Variants in NAV2 observed in about 807,000 individuals in gnomAD.
NAV2 encodes helicase, APC down-regulated 1.
NAV2 carries 54 observed loss-of-function variants against 223.2 expected under a neutral mutation model. The observed-to-expected ratio is 0.24, with a 90% confidence interval of 0.19 to 0.30. The LOEUF (loss-of-function observed/expected upper bound fraction) is 0.30. Among genes scored for constraint, NAV2 ranks in the 10% least tolerant of loss-of-function variants. The pLI is 1.00. For missense variants in NAV2, 2,806 were observed against 3,147.5 expected, an observed-to-expected ratio of 0.89 and a Z score of 2.60; for synonymous variants, 1,279 against 1,239.3, an observed-to-expected ratio of 1.03 and a Z score of -0.67.
rs10590815 is a variant in NAV2 at position 20,107,057 on chromosome 11, A to ATTTTTTTTT, written c.6842-577_6842-569dup. Among the ~76,000 whole-genome samples the ATTTTTTTTT allele has an allele frequency of 2.9e-4, 8 of 27,254 alleles. 2 individuals are homozygous for ATTTTTTTTT. Among genetic ancestry groups the ATTTTTTTTT allele is most frequent in the African/African-American group, 1.1e-3 (8 of 7,388 alleles). The allele number at this position is 27,254 out of a possible 152,430, so 17.9% of individuals were successfully genotyped here. ...TTTGGACTTGCAGTCATGGGCTTCC[A>ATTTTTTTTT]TTTTTTTTTTTTTTTTTTTTTTTTT... is the stretch of plus-strand genomic sequence containing the variant. On this transcript the variant is annotated intron_variant, in intron 35 of 37. Transcript: ENST00000349880.
chr11:19,939,088 G>A (rs2046181220), intron 7 of NAV2, among the ~76,000 whole-genome samples: 1 of 152,204 alleles, frequency 6.6e-6, no homozygotes, highest in African/African-American at 2.4e-5. Flanking sequence ...ACAGATTTCA[G>A]TCAAGTGTTG....
At chr11:20,071,119 C>A (rs939626019) in intron 22 of NAV2, among the ~76,000 whole-genome samples, 30 of 148,010 alleles carry the variant, frequency 2.0e-4, no homozygotes, top group African/African-American at 7.5e-4. Flanking sequence ...CCCCACCCCC[C>A]GACAGGCCCT....
intron 1 of NAV2, among the ~76,000 whole-genome samples, chr11:19,662,690 C>T (rs2048318396): frequency 6.6e-6 from 1 of 152,376 alleles, no homozygotes; most frequent in Admixed American, 6.5e-5. Context: ...TAAGATGAAG[C>T]TCTGCCCACT....
At chr11:19,870,113 G>A (rs114814974) in intron 4 of NAV2, among the ~76,000 whole-genome samples, 6 of 152,138 alleles carry the variant, frequency 3.9e-5, no homozygotes, top group African/African-American at 1.4e-4. Flanking sequence ...GTCAGGCACG[G>A]CCACACTGCT....
At chr11:19,635,291 T>A (rs1244629220) in intron 1 of NAV2, among the ~76,000 whole-genome samples, 2 of 152,210 alleles carry the variant, frequency 1.3e-5, no homozygotes, top group African/African-American at 4.8e-5. Context: ...AGAATTTTTT[T>A]AACACAGCAA....
intron 5 of NAV2, among the ~76,000 whole-genome samples, chr11:19,881,175 G>A (rs1173589416): frequency 6.6e-6 from 1 of 152,150 alleles, no homozygotes; most frequent in Non-Finnish European, 1.5e-5. Context: ...TTTTCCCCAT[G>A]AGAAGTGCTA....
At chr11:19,785,102 G>A (rs1738978511) in intron 1 of NAV2, among the ~76,000 whole-genome samples, 1 of 152,192 alleles carries the variant, frequency 6.6e-6, no homozygotes, top group African/African-American at 2.4e-5. Flanking sequence ...TTACCGATCG[G>A]GTAGGTGACT....
At chr11:19,777,770 C>A (rs935900160) in intron 1 of NAV2, 20 of 437,418 alleles carry the variant, frequency 4.6e-5, no homozygotes, top group Non-Finnish European at 8.3e-5. Flanking sequence ...TGCATTATCT[C>A]TCCGTCCCTT....
chr11:19,456,316 G>A (rs1253476094), intron 1 of NAV2, among the ~76,000 whole-genome samples: 1 of 152,226 alleles, frequency 6.6e-6, no homozygotes, highest in Non-Finnish European at 1.5e-5. Flanking sequence ...TAGATGCACA[G>A]TCACTGTTTC....
chr11:20,120,503 T>C lies in NAV2; in HGVS notation c.*2245T>C, dbSNP rs1468668480. Reference sequence around the variant, plus strand: ...CAATGACCCTACTACACTCGCGTACTGTGAATTTGGGAGGAGGTAAAGTTG... The same window carrying C: ...CAATGACCCTACTACACTCGCGTACCGTGAATTTGGGAGGAGGTAAAGTTG... On this transcript the variant is annotated 3_prime_UTR_variant, in exon 38 of 38. Coordinates refer to ENST00000349880, the MANE Select transcript of NAV2 (RefSeq NM_145117.5). 1 of 152,674 alleles carries C rather than the reference T, an allele frequency of 6.5e-6. No individual in the cohort carries two copies. Among genetic ancestry groups the C allele is most frequent in the Non-Finnish European group, 1.5e-5 (1 of 68,048 alleles). 9.5% of individuals were successfully genotyped at this position (152,674 alleles called of 1,614,324 possible). A position where few individuals can be genotyped will look rare whatever the true frequency, so the allele number is the denominator to read the frequency against.
At chr11:19,728,737 T>A (rs1032028120) in intron 1 of NAV2, among the ~76,000 whole-genome samples, 2 of 152,198 alleles carry the variant, frequency 1.3e-5, no homozygotes, top group African/African-American at 4.8e-5. Flanking sequence ...TGGGTGTGAG[T>A]ATGTCTGTGT....
intron 1 of NAV2, among the ~76,000 whole-genome samples, chr11:19,744,921 T>C (rs528150697): frequency 1.5e-3 from 232 of 152,332 alleles, no homozygotes; most frequent in African/African-American, 5.5e-3. Context: ...TTTGCCGTCA[T>C]GAACAATGTG....
chr11:19,574,347 T>G (rs1299018138), intron 1 of NAV2, among the ~76,000 whole-genome samples: 1 of 152,228 alleles, frequency 6.6e-6, no homozygotes, highest in Non-Finnish European at 1.5e-5. Flanking sequence ...AGAGGTTTCA[T>G]TCAGTAACCA....
chr11:19,880,457 T>A (rs971216477), intron 5 of NAV2, among the ~76,000 whole-genome samples: 4 of 152,216 alleles, frequency 2.6e-5, no homozygotes, highest in Non-Finnish European at 5.9e-5. Context: ...TGTGTCTCCC[T>A]ACAAGCTGAA....
intron 11 of NAV2, among the ~76,000 whole-genome samples, chr11:19,985,422 T>A (rs996566322): frequency 1.3e-4 from 20 of 152,222 alleles, no homozygotes; most frequent in Non-Finnish European, 2.5e-4. Flanking sequence ...AGGCTTGTGA[T>A]TTATATCAGG....
In NAV2 at chr11:19,934,076, G is replaced by C. The variant is rs2045625889; in HGVS notation, c.1832G>C (p.Ser611Thr). 3 of 1,611,412 alleles carry C rather than the reference G, an allele frequency of 1.9e-6. No individual in the cohort carries two copies. Among genetic ancestry groups the C allele is most frequent in the Non-Finnish European group, 2.5e-6 (3 of 1,178,748 alleles). The change falls in exon 7 of 38, where the codon AGT becomes ACT. Residue 611 changes from serine to threonine, a missense_variant. Transcript: ENST00000349880. ...CCCCAGCTGGACGGCAGACACTCCAGTTCCTCTTCCAGCCTGGCGTCCTCA... is the reference window on the plus strand; with the variant it reads ...CCCCAGCTGGACGGCAGACACTCCACTTCCTCTTCCAGCCTGGCGTCCTCA... ...QKPQLDGRHS[S>T]SSSSLASSEG...
chr11:19,642,387 C>A (rs1193711832), intron 1 of NAV2, among the ~76,000 whole-genome samples: 1 of 152,188 alleles, frequency 6.6e-6, no homozygotes, highest in South Asian at 2.1e-4. Flanking sequence ...AATAGACTCT[C>A]ATTTTTCTGG....
chr11:20,035,881 G>C, intron 11 of NAV2, 78 bp from the exon 12 acceptor site: 1 of 1,564,298 alleles, frequency 6.4e-7, no homozygotes, highest in Non-Finnish European at 8.7e-7. Flanking sequence ...CGGGGATGGT[G>C]TTTGTCTGTC....
At chr11:20,079,975 T>G in intron 24 of NAV2, 89 bp from the exon 25 acceptor site, 1 of 1,469,530 alleles carries the variant, frequency 6.8e-7, no homozygotes, top group Non-Finnish European at 9.3e-7. Context: ...AGTCCTCAGG[T>G]GGGTGGGTTT....
Sources: gnomAD v4.1 joint callset for allele counts (sites outside exome capture counted in the v4.1 genomes callset) on GRCh38, gnomAD v4.1.1 for gene constraint, MANE v1.5 for transcripts, NCBI Gene and HGNC (gene_info 2026-07-23, HGNC 2026-07-21) for gene names.